Variants in STK39 observed in about 807,000 individuals in gnomAD.
The protein encoded by STK39 is serine/threonine kinase 39, also known as STE20/SPS1-related proline-alanine-rich protein kinase.
In STK39, 20 loss-of-function variants were observed where a neutral mutation model predicts 77.8. The ratio of observed to expected loss-of-function variants is 0.26; its 90% CI spans 0.18 to 0.37. STK39 has a LOEUF of 0.37. Among genes scored for constraint, STK39 ranks in the 10% least tolerant of loss-of-function variants. STK39 has a pLI of 1.00. For synonymous variants in STK39, 246 were observed against 234.1 expected (o/e 1.05, Z -0.47); for missense variants, 479 against 656.5 (o/e 0.73, Z 2.95).
intron 5 of STK39, among the ~76,000 whole-genome samples, chr2:168,149,157 G>A (rs1041548285): frequency 2.8e-4 from 43 of 151,424 alleles, no homozygotes; most frequent in African/African-American, 1.1e-3. Flanking sequence ...ATGGTCTGTG[G>A]CTCTGCCCTA....
At chr2:168,228,738 G>A (rs745645948) in intron 1 of STK39, among the ~76,000 whole-genome samples, 3 of 152,078 alleles carry the variant, frequency 2.0e-5, no homozygotes, top group Non-Finnish European at 2.9e-5. Flanking sequence ...GCAGTGAGCC[G>A]AGATTGCGCC....
Position 168,101,439 on chromosome 2 carries a change from T to C in STK39, c.1090-26208A>G, listed in dbSNP as rs184027357. Among the ~76,000 whole-genome samples, 389 of 152,286 alleles carry C rather than the reference T, an allele frequency of 2.6e-3. 3 individuals are homozygous for C. Among genetic ancestry groups the C allele is most frequent in the Non-Finnish European group, 3.9e-3 (266 of 68,024 alleles). On this transcript the variant is annotated intron_variant, in intron 10 of 17. Transcript: ENST00000355999. The stretch of plus-strand genomic sequence containing the variant: ...TACACTAAGAACTGTGCTATGTTTT[T>C]AAAAAATATATACATTGGCCAGGCG...
intron 14 of STK39, among the ~76,000 whole-genome samples, chr2:168,029,557 T>G (rs1684782036): frequency 6.6e-6 from 1 of 152,110 alleles, no homozygotes; most frequent in African/African-American, 2.4e-5. Context: ...GCTGAAATAA[T>G]ACATCAGAAG....
At chr2:167,968,669 C>T (rs1692228669) in intron 16 of STK39, among the ~76,000 whole-genome samples, 1 of 152,076 alleles carries the variant, frequency 6.6e-6, no homozygotes, top group Admixed American at 6.5e-5. Context: ...ATTGTTTTAT[C>T]CAAAGAGACA....
At chr2:168,121,110 A>G (rs1343703533) in intron 10 of STK39, among the ~76,000 whole-genome samples, 1 of 152,098 alleles carries the variant, frequency 6.6e-6, no homozygotes, top group African/African-American at 2.4e-5. Context: ...TTCTCCATCT[A>G]TATTTCCTTC....
At chr2:167,970,593 A>C (rs1465194530) in intron 16 of STK39, among the ~76,000 whole-genome samples, 1 of 152,258 alleles carries the variant, frequency 6.6e-6, no homozygotes, top group East Asian at 1.9e-4. Context: ...CTCCTAAGCA[A>C]TAATCCTATT....
At chr2:167,963,127 G>T (rs1388071058) in intron 17 of STK39, among the ~76,000 whole-genome samples, 4 of 152,182 alleles carry the variant, frequency 2.6e-5, no homozygotes, top group Non-Finnish European at 5.9e-5. Flanking sequence ...ACAAACTGGT[G>T]GCAGGAAGAT....
At chr2:168,040,132 C>T (rs1349690996) in intron 14 of STK39, among the ~76,000 whole-genome samples, 2 of 152,028 alleles carry the variant, frequency 1.3e-5, no homozygotes, top group Non-Finnish European at 2.9e-5. Context: ...CACAGTGAGC[C>T]GATTGTATGC....
chr2:168,092,112 C>T (rs2105435440), intron 10 of STK39, among the ~76,000 whole-genome samples: 1 of 152,304 alleles, frequency 6.6e-6, no homozygotes, highest in African/African-American at 2.4e-5. Context: ...CCATCATATC[C>T]ACTTAAACAA....
At chr2:167,986,317 T>G (rs1683556412) in intron 16 of STK39, among the ~76,000 whole-genome samples, 1 of 152,188 alleles carries the variant, frequency 6.6e-6, no homozygotes, top group South Asian at 2.1e-4. Context: ...AGAGGGGAAT[T>G]AAATCATGCT....
At chr2:168,147,936 C>T (rs1270738335) in intron 5 of STK39, among the ~76,000 whole-genome samples, 2 of 152,172 alleles carry the variant, frequency 1.3e-5, no homozygotes, top group South Asian at 4.1e-4. Context: ...CAACTGCAAT[C>T]CAGACTTACT....
At chr2:168,203,727 G>A (rs1297220058) in intron 1 of STK39, among the ~76,000 whole-genome samples, 1 of 152,148 alleles carries the variant, frequency 6.6e-6, no homozygotes, top group Non-Finnish European at 1.5e-5. Flanking sequence ...CAAGTAGCTG[G>A]GACTACAGGA....
chr2:167,970,330 G>C (rs996648318), intron 16 of STK39, among the ~76,000 whole-genome samples: 1 of 152,134 alleles, frequency 6.6e-6, no homozygotes, highest in East Asian at 1.9e-4. Flanking sequence ...TATGCTCCCA[G>C]TGCCTGACAT....
rs1446437300 is a variant in STK39, at chr2:167,969,785, T to C, written c.1499-5059A>G. ...CCCTGATCCCTCAATGGCCTAGACT[T>C]CACCCAGAGGGCAGGGGAGGCTTCT... is the stretch of plus-strand genomic sequence containing the variant. On this transcript the variant is annotated intron_variant, in intron 16 of 17. Coordinates refer to ENST00000355999, the MANE Select transcript of STK39 (RefSeq NM_013233.3). 2.6e-5 allele frequency among the ~76,000 whole-genome samples: 4 copies of C among 152,196 alleles called. No homozygotes were observed. The East Asian group carries it at 7.7e-4, about 29-fold the overall frequency.
chr2:167,991,082 G>A (rs754388606), intron 16 of STK39, among the ~76,000 whole-genome samples: 1 of 152,188 alleles, frequency 6.6e-6, no homozygotes, highest in Non-Finnish European at 1.5e-5. Flanking sequence ...CCCGATACAC[G>A]GGAATGTTTG....
intron 2 of STK39, among the ~76,000 whole-genome samples, chr2:168,169,977 C>A (rs1012741879): frequency 1.7e-4 from 26 of 152,162 alleles, no homozygotes; most frequent in Non-Finnish European, 4.4e-5. Flanking sequence ...ACTCCTGCAC[C>A]ATCCATTGTC....
intron 14 of STK39, among the ~76,000 whole-genome samples, chr2:168,059,165 T>C (rs1413774526): frequency 6.6e-6 from 1 of 152,176 alleles, no homozygotes; most frequent in African/African-American, 2.4e-5. Context: ...AATATTACTT[T>C]ATTTGGAGAG....
At chr2:168,101,753 A>G (rs1018293123) in intron 10 of STK39, among the ~76,000 whole-genome samples, 6 of 152,160 alleles carry the variant, frequency 3.9e-5, no homozygotes, top group Non-Finnish European at 8.8e-5. Flanking sequence ...AAATAAAAAC[A>G]AAAAAATTAA....
At chr2:168,134,352 T>C (rs565702502) in intron 8 of STK39, among the ~76,000 whole-genome samples, 2 of 152,292 alleles carry the variant, frequency 1.3e-5, no homozygotes, top group African/African-American at 4.8e-5. Flanking sequence ...ATGAATATGA[T>C]ATAGTTTAAA....
Sources: allele counts gnomAD v4.1 joint callset (sites outside exome capture counted in the v4.1 genomes callset), GRCh38; gene constraint gnomAD v4.1.1; transcripts MANE v1.5; gene names NCBI Gene and HGNC (gene_info 2026-07-23, HGNC 2026-07-21).